The following ASAP2 variants were observed in gnomAD, a reference collection of about 807,000 sequenced individuals.
ASAP2 encodes the protein arf-GAP with SH3 domain, ANK repeat and PH domain-containing protein 2.
Under a neutral mutation model 131.4 loss-of-function variants are expected in ASAP2, and 45 were observed. That is an observed-to-expected ratio of 0.34 (90% CI 0.27 to 0.44). The LOEUF is 0.44. Among genes scored for constraint, ASAP2 ranks in the 20% least tolerant of loss-of-function variants. The pLI, the probability that ASAP2 is intolerant of heterozygous loss-of-function variation, is 1.00. For missense variants in ASAP2, 1,011 were observed against 1,297.0 expected (o/e 0.78, Z 3.39); for synonymous variants, 510 against 503.0 (o/e 1.01, Z -0.19).
intron 1 of ASAP2, among the ~76,000 whole-genome samples, chr2:9,245,854 G>T (rs933959669): frequency 1.3e-5 from 2 of 152,226 alleles, no homozygotes; most frequent in African/African-American, 4.8e-5. Context: ...AGTGCCCAGA[G>T]CAGTGCCTGG....
At chr2:9,270,501 G>A (rs1457998469) in intron 1 of ASAP2, among the ~76,000 whole-genome samples, 7 of 151,934 alleles carry the variant, frequency 4.6e-5, no homozygotes, top group Non-Finnish European at 1.0e-4. Flanking sequence ...ATACAGGCAT[G>A]CAGTGCATAA....
At chr2:9,257,192 G>T (rs1201732488) in intron 1 of ASAP2, among the ~76,000 whole-genome samples, 1 of 152,186 alleles carries the variant, frequency 6.6e-6, no homozygotes, top group African/African-American at 2.4e-5. Context: ...AAATCAGAAG[G>T]TGCGGGCCCC....
chr2:9,278,016 T>G (rs146778579), intron 1 of ASAP2, among the ~76,000 whole-genome samples: 1 of 152,330 alleles, frequency 6.6e-6, no homozygotes, highest in East Asian at 1.9e-4. Context: ...TGAGGAGCTG[T>G]GCTGTGTTTC....
At chr2:9,247,000 C>T (rs1047020069) in intron 1 of ASAP2, among the ~76,000 whole-genome samples, 5 of 152,032 alleles carry the variant, frequency 3.3e-5, no homozygotes, top group Non-Finnish European at 5.9e-5. Context: ...CTACCACACC[C>T]AGCTGATTTT....
At position 9,217,281 on chromosome 2, in the gene ASAP2, T is replaced by G. The variant is rs1662116732; in HGVS notation, c.126+10051T>G. On this transcript the variant is annotated intron_variant, in intron 1 of 27. Coordinates refer to ENST00000281419, the MANE Select transcript of ASAP2 (RefSeq NM_003887.3). This position sits in a 1 kb window ranked among gnomAD's most constrained non-coding sequence, Gnocchi z 4.0. ...TCCTTGTTGCTTCTCGTTTCCTGTTTGCCTCATCTGTCCTCCTTGCTGCAG... is the reference window on the plus strand; with the variant it reads ...TCCTTGTTGCTTCTCGTTTCCTGTTGGCCTCATCTGTCCTCCTTGCTGCAG... Among the ~76,000 whole-genome samples the G allele has an allele frequency of 6.6e-6, 1 of 152,222 alleles. No homozygotes were observed. Among genetic ancestry groups the G allele is most frequent in the African/African-American group, 2.4e-5 (1 of 41,448 alleles).
intron 20 of ASAP2, among the ~76,000 whole-genome samples, chr2:9,381,980 C>CT (rs759499289): frequency 0.024 from 2,810 of 115,952 alleles, 89 homozygotes; most frequent in East Asian, 0.092. Context: ...CTCATTTAAT[C>CT]TTTTTTTTTT....
At chr2:9,344,448 T>C in intron 9 of ASAP2, 84 bp from the exon 10 acceptor site, 2 of 1,119,240 alleles carry the variant, frequency 1.8e-6, no homozygotes, top group South Asian at 1.5e-5. Context: ...AAAAACACAT[T>C]AGGCATAAGT....
rs542582351 is a variant in ASAP2 at position 9,377,060 on chromosome 2, G to T, written c.1832+67G>T. ...GGTATTTCTGGGGAAGGAATCGGAC[G>T]CTGCCTCATCGCTTCTGATGTGTTG... On this transcript the variant is annotated intron_variant, in intron 18 of 27. Transcript: ENST00000281419. 4 of 1,379,576 alleles carry T rather than the reference G, an allele frequency of 2.9e-6. No individual in the cohort carries two copies. In the Admixed American group the frequency reaches 6.8e-5, roughly 24 times the overall value. The allele number at this position is 1,379,576 out of a possible 1,614,324, so 85.5% of individuals were successfully genotyped here.
At chr2:9,279,537 C>A in intron 2 of ASAP2, 148 bp downstream of exon 2, 1 of 745,680 alleles carries the variant, frequency 1.3e-6, no homozygotes, top group African/African-American at 1.8e-5. Flanking sequence ...TGGGATGTTT[C>A]TTTTTCAGAA....
intron 1 of ASAP2, among the ~76,000 whole-genome samples, chr2:9,275,189 T>C (rs987864608): frequency 1.3e-5 from 2 of 151,382 alleles, no homozygotes; most frequent in African/African-American, 2.4e-5. Flanking sequence ...TAAGTGATCC[T>C]CCCTCCTCAG....
chr2:9,318,574 G>A lies in ASAP2; in HGVS notation c.396G>A (p.Lys132=), dbSNP rs148575549. ...CCTTCCCTTTGGACAGTTTGCTGAA[G>A]GGGGACCTGAAAGGAGTGAAAGGGG... ...IISFPLDSLL[K]GDLKGVKGDL... The change falls in exon 4 of 28, where the codon AAG becomes AAA. Residue 132 remains lysine, a synonymous_variant. Coordinates refer to ENST00000281419, the MANE Select transcript of ASAP2 (RefSeq NM_003887.3). 377 of 1,613,078 alleles carry A rather than the reference G, an allele frequency of 2.3e-4. 1 individual carries two copies. Among genetic ancestry groups the A allele is most frequent in the Admixed American group, 5.8e-4 (35 of 59,890 alleles).
intron 1 of ASAP2, among the ~76,000 whole-genome samples, chr2:9,259,969 G>A (rs568545242): frequency 2.0e-5 from 3 of 152,208 alleles, no homozygotes; most frequent in East Asian, 1.9e-4. Context: ...TCTGCGCATC[G>A]CCCCCTCCCC....
At chr2:9,211,485 G>A (rs1661555737) in intron 1 of ASAP2, among the ~76,000 whole-genome samples, 1 of 151,926 alleles carries the variant, frequency 6.6e-6, no homozygotes, top group Middle Eastern at 3.4e-3. Context: ...CATGTTTTTA[G>A]TTAGACCCTC....
At chr2:9,303,299 A>T (rs1464827710) in intron 3 of ASAP2, among the ~76,000 whole-genome samples, 1 of 152,172 alleles carries the variant, frequency 6.6e-6, no homozygotes, top group Non-Finnish European at 1.5e-5. Context: ...CTGGACTATT[A>T]TTAGGTGTCC....
chr2:9,281,916 C>T lies in ASAP2; in HGVS notation c.199+2527C>T, dbSNP rs1184608229. On this transcript the variant is annotated intron_variant, in intron 2 of 27. Transcript: ENST00000281419. This position sits in a 1 kb window ranked among gnomAD's most constrained non-coding sequence, Gnocchi z 4.0. The stretch of plus-strand genomic sequence containing the variant: ...TTGCCTGGACTCAGGCCACCTGTCC[C>T]GACCCTCCCCACCTGGACTCCTCTG... 1.3e-5 allele frequency among the ~76,000 whole-genome samples: 2 copies of T among 152,156 alleles called. No homozygotes were observed. Among genetic ancestry groups the T allele is most frequent in the South Asian group, 2.1e-4 (1 of 4,826 alleles).
intron 2 of ASAP2, among the ~76,000 whole-genome samples, chr2:9,294,709 GTCC>G (rs1437678260): frequency 1.3e-5 from 2 of 152,220 alleles, no homozygotes; most frequent in Admixed American, 1.3e-4. Context: ...CTGAGGTCCA[GTCC>G]TCCTCTTGGT....
intron 1 of ASAP2, among the ~76,000 whole-genome samples, chr2:9,219,522 T>G (rs1477139333): frequency 3.3e-5 from 5 of 152,168 alleles, no homozygotes; most frequent in African/African-American, 1.2e-4. Flanking sequence ...GTCCCTGGAA[T>G]AAATTACAGG....
At chr2:9,261,186 G>A (rs1665554265) in intron 1 of ASAP2, among the ~76,000 whole-genome samples, 1 of 152,160 alleles carries the variant, frequency 6.6e-6, no homozygotes, top group Admixed American at 6.5e-5. Context: ...AGAGAAAGCA[G>A]GGGTAATGCC....
chr2:9,369,041 G>A (rs1462241511), intron 16 of ASAP2, among the ~76,000 whole-genome samples: 2 of 150,574 alleles, frequency 1.3e-5, no homozygotes, highest in Non-Finnish European at 3.0e-5. Context: ...TCTGGGAGAC[G>A]GAGTTTCACT....
Sources: allele counts gnomAD v4.1 joint callset (sites outside exome capture counted in the v4.1 genomes callset), GRCh38; gene constraint gnomAD v4.1.1; non-coding constraint Gnocchi (gnomAD v3.1); transcripts MANE v1.5; gene names NCBI Gene and HGNC (gene_info 2026-07-23, HGNC 2026-07-21).